The following SOX5 variants were observed in gnomAD, a reference collection of about 807,000 sequenced individuals.
SOX5 encodes the protein transcription factor SOX-5.
SOX5 carries 9 observed loss-of-function variants against 92.0 expected under a neutral mutation model. The ratio of observed to expected loss-of-function variants is 0.10; its 90% confidence interval spans 0.06 to 0.17. The LOEUF is 0.17. Ranked by LOEUF, SOX5 falls within the 10% of genes least tolerant of loss-of-function variation. The probability of loss-of-function intolerance (pLI) is 1.00; values close to 1 mark genes in which losing one functional copy is unlikely to be tolerated. For missense variants in SOX5, 642 were observed against 944.5 expected, an observed-to-expected ratio of 0.68 and a Z score of 4.20; for synonymous variants, 344 against 336.3, an observed-to-expected ratio of 1.02 and a Z score of -0.25.
At chr12:23,977,867 A>G (rs1328302540) in intron 4 of SOX5, among the ~76,000 whole-genome samples, 1 of 152,138 alleles carries the variant, frequency 6.6e-6, no homozygotes, top group Non-Finnish European at 1.5e-5. Flanking sequence ...TCCAGATACT[A>G]ATTTGTGGAA....
chr12:24,289,492 C>T (rs1225683823), intron 2 of SOX5, among the ~76,000 whole-genome samples: 2 of 114,216 alleles, frequency 1.8e-5, no homozygotes, highest in East Asian at 2.4e-4. Flanking sequence ...CTCGCTCTGT[C>T]GCCCAGGCTG....
chr12:23,872,164 A>ATATTTTTTTTTTTTTTTT (rs2096880966), intron 2 of SOX5, among the ~76,000 whole-genome samples: 1 of 61,632 alleles, frequency 1.6e-5, no homozygotes, highest in East Asian at 4.6e-4. Flanking sequence ...CGCCCGGCTA[A>ATATTTTTTTTTTTTTTTT]TTTTTTTTTT....
chr12:24,372,564 G>A (rs1163620213), intron 1 of SOX5, among the ~76,000 whole-genome samples: 1 of 152,080 alleles, frequency 6.6e-6, no homozygotes, highest in African/African-American at 2.4e-5. Context: ...CCAAGTCTTT[G>A]CTATTGTGAA....
intron 3 of SOX5, among the ~76,000 whole-genome samples, chr12:24,272,966 C>T (rs1421054286): frequency 6.6e-6 from 1 of 152,086 alleles, no homozygotes. Flanking sequence ...AGTGCAGTGG[C>T]TCACGCCGGT....
intron 6 of SOX5, among the ~76,000 whole-genome samples, chr12:23,684,596 G>GGTGT (rs565313742): frequency 1.2e-3 from 187 of 152,048 alleles, no homozygotes; most frequent in African/African-American, 4.3e-3. Context: ...ATGAGGTTTT[G>GGTGT]GTGTGTCTGG....
intron 4 of SOX5, among the ~76,000 whole-genome samples, chr12:24,103,961 G>A (rs574254803): frequency 6.6e-6 from 1 of 152,290 alleles, no homozygotes; most frequent in African/African-American, 2.4e-5. Flanking sequence ...GAGGTTTAAA[G>A]CTGGAAGAAA....
intron 9 of SOX5, among the ~76,000 whole-genome samples, chr12:23,598,797 G>T (rs2137337311): frequency 6.6e-6 from 1 of 152,248 alleles, no homozygotes; most frequent in Non-Finnish European, 1.5e-5. Context: ...TTGTGATTAT[G>T]CTGTATGTGC....
rs547046931 is a variant in SOX5 at position 23,563,188 on chromosome 12, A to AT, written c.1488+69dup. 2.0e-4 allele frequency: 248 copies of AT among 1,255,182 alleles called. No individual in the cohort carries two copies. The East Asian group carries it at 3.1e-3, about 16-fold the overall frequency. The allele number at this position is 1,255,182 out of a possible 1,614,324, so 77.8% of individuals were successfully genotyped here. On this transcript the variant is annotated intron_variant, in intron 11 of 14. Coordinates refer to ENST00000451604, the MANE Select transcript of SOX5 (RefSeq NM_006940.6). ...GAGGATGATAAGAAGATGGAAATAT[A>AT]TTTTTTTTAAAAAAGCATTAGGCAA... is the stretch of plus-strand genomic sequence containing the variant.
At chr12:24,141,153 C>T (rs983389014) in intron 4 of SOX5, among the ~76,000 whole-genome samples, 2 of 152,148 alleles carry the variant, frequency 1.3e-5, no homozygotes, top group Non-Finnish European at 2.9e-5. Flanking sequence ...GCAAACCTCT[C>T]TTCATGGCTA....
chr12:23,636,950 C>T lies in SOX5; in HGVS notation c.1017+3862G>A, dbSNP rs149808814. 1.7e-3 allele frequency among the ~76,000 whole-genome samples: 255 copies of T among 152,186 alleles called. 2 individuals carry two copies. Among genetic ancestry groups the T allele is most frequent in the African/African-American group, 5.2e-3 (216 of 41,538 alleles). On this transcript the variant is annotated intron_variant, in intron 8 of 14. Transcript: ENST00000451604. ...GGAGATATTAATACATAACACAAAA[C>T]GTAATATGAATTAAATAAGATAATC...
chr12:23,592,799 C>T (rs1235975182), intron 9 of SOX5, among the ~76,000 whole-genome samples: 1 of 152,164 alleles, frequency 6.6e-6, no homozygotes, highest in Admixed American at 6.5e-5. Context: ...TTACTCTGGG[C>T]TGGGCGCGGT....
At chr12:24,240,961 CTT>C (rs1222637166) in intron 3 of SOX5, among the ~76,000 whole-genome samples, 1 of 152,098 alleles carries the variant, frequency 6.6e-6, no homozygotes, top group African/African-American at 2.4e-5. Flanking sequence ...GTTCCTAAAT[CTT>C]TTCATGATGA....
At chr12:23,958,266 T>C (rs1946499610) in intron 4 of SOX5, among the ~76,000 whole-genome samples, 1 of 152,090 alleles carries the variant, frequency 6.6e-6, no homozygotes, top group African/African-American at 2.4e-5. Context: ...ATTGAGTGTG[T>C]GCCCTGAATT....
chr12:24,430,955 T>C (rs1373935455), intron 1 of SOX5, among the ~76,000 whole-genome samples: 1 of 152,194 alleles, frequency 6.6e-6, no homozygotes, highest in Non-Finnish European at 1.5e-5. Context: ...AATTGTATAA[T>C]GCTATCAACA....
chr12:24,213,966 T>C lies in SOX5; in HGVS notation c.-76-549A>G, dbSNP rs1313410671. ...TAGTTTAAAATATATATATATATAATGTAATATTACTTAGAGCTACAATAC... is the reference window on the plus strand; with the variant it reads ...TAGTTTAAAATATATATATATATAACGTAATATTACTTAGAGCTACAATAC... On this transcript the variant is annotated intron_variant, in intron 3 of 4. Coordinates refer to the SOX5 transcript ENST00000446891. Among the ~76,000 whole-genome samples the C allele has an allele frequency of 3.3e-5, 5 of 151,588 alleles. No individual in the cohort carries two copies. In the East Asian group the frequency reaches 9.6e-4, roughly 29 times the overall value.
At chr12:24,554,899 A>G (rs1953617183) in intron 1 of SOX5, among the ~76,000 whole-genome samples, 1 of 152,214 alleles carries the variant, frequency 6.6e-6, no homozygotes, top group South Asian at 2.1e-4. Context: ...CCCAGTGGGT[A>G]GAAGAATGAA....
intron 1 of SOX5, among the ~76,000 whole-genome samples, chr12:24,560,954 G>T (rs1369065025): frequency 1.3e-5 from 2 of 152,118 alleles, no homozygotes; most frequent in Non-Finnish European, 1.5e-5. Context: ...GAAAAGCAAG[G>T]AAACAAATCA....
intron 8 of SOX5, among the ~76,000 whole-genome samples, chr12:23,636,633 A>G (rs1369248206): frequency 6.6e-6 from 1 of 152,216 alleles, no homozygotes; most frequent in East Asian, 1.9e-4. Flanking sequence ...ATTAACATAT[A>G]TCCATGTAAA....
rs78160687 is a variant in SOX5 at position 23,584,169 on chromosome 12, G to A, written c.1165-8331C>T. On this transcript the variant is annotated intron_variant, in intron 9 of 14. Transcript: ENST00000451604. ...TCATCAAAGCAAATCAGTGGTAGAAGGTTTGATCCACTGGAGTCATATAAA... is the reference window on the plus strand; with the variant it reads ...TCATCAAAGCAAATCAGTGGTAGAAAGTTTGATCCACTGGAGTCATATAAA... 1.6e-4 allele frequency among the ~76,000 whole-genome samples: 25 copies of A among 152,186 alleles called. No individual in the cohort carries two copies. The East Asian group carries it at 4.8e-3, about 29-fold the overall frequency.
Sources: allele counts gnomAD v4.1 joint callset (sites outside exome capture counted in the v4.1 genomes callset), GRCh38; gene constraint gnomAD v4.1.1; transcripts MANE v1.5; gene names NCBI Gene and HGNC (gene_info 2026-07-23, HGNC 2026-07-21).